SLC1A6: variants seen among roughly 807,000 people sequenced by gnomAD.
The protein encoded by SLC1A6 is excitatory amino acid transporter 4.
Under a neutral mutation model 42.1 loss-of-function variants are expected in SLC1A6, and 15 were observed. The observed-to-expected ratio is 0.36, with a 90% confidence interval of 0.24 to 0.55. The LOEUF is 0.55. Among genes scored for constraint, SLC1A6 ranks in the 20% least tolerant of loss-of-function variants. SLC1A6 has a pLI of 0.88. For missense variants in SLC1A6, 542 were observed against 772.5 expected, an observed-to-expected ratio of 0.70 and a Z score of 3.54; for synonymous variants, 317 against 319.7, an observed-to-expected ratio of 0.99 and a Z score of 0.09.
At chr19:14,967,556 CAG>C (rs1447766171) in intron 4 of SLC1A6, among the ~76,000 whole-genome samples, 2 of 152,116 alleles carry the variant, frequency 1.3e-5, no homozygotes, top group Non-Finnish European at 2.9e-5. Context: ...TAAATTAAAA[CAG>C]AAATCATAAG....
intron 1 of SLC1A6, among the ~76,000 whole-genome samples, chr19:15,002,772 A>C (rs1338959788): frequency 1.3e-5 from 2 of 152,220 alleles, no homozygotes; most frequent in Non-Finnish European, 2.9e-5. Context: ...GAGGGGATTC[A>C]AGTCACAGAG....
chr19:14,974,139 T>A (rs1401743115), intron 1 of SLC1A6: 1 of 152,134 alleles, frequency 6.6e-6, no homozygotes, highest in South Asian at 2.1e-4. Context: ...GGCAGATCAC[T>A]TGAGCTCAGG....
chr19:14,954,764 C>T (rs567805425), intron 7 of SLC1A6, among the ~76,000 whole-genome samples: 28 of 152,286 alleles, frequency 1.8e-4, no homozygotes, highest in African/African-American at 6.7e-4. Context: ...AGGAAAGGAG[C>T]AACTCCTCAT....
In SLC1A6 at chr19:14,953,243, A is replaced by G. The variant is rs2082872985; in HGVS notation, c.1365-181T>C. Among the ~76,000 whole-genome samples the G allele has an allele frequency of 2.1e-5, 3 of 143,264 alleles. No homozygotes were observed. The South Asian group carries it at 7.8e-4, about 37-fold the overall frequency. 94.0% of individuals were successfully genotyped at this position (143,264 alleles called of 152,430 possible). A position where few individuals can be genotyped will look rare whatever the true frequency, so the allele number is the denominator to read the frequency against. On this transcript the variant is annotated intron_variant, in intron 8 of 9. Coordinates refer to ENST00000594383, the MANE Select transcript of SLC1A6 (RefSeq NM_005071.3). ...CCTCGCCTCGCCTCGCCTCACCTCGATCCCCACCCACCCCGCCCCTCCCCT... is the reference window on the plus strand; with the variant it reads ...CCTCGCCTCGCCTCGCCTCACCTCGGTCCCCACCCACCCCGCCCCTCCCCT...
At position 14,968,407 on chromosome 19, in the gene SLC1A6, G is replaced by C. The variant is rs375637012; in HGVS notation, c.444C>G (p.Leu148=). Residue 148 remains leucine, a synonymous_variant, in exon 4 of 10, where the codon CTC becomes CTG. Coordinates refer to ENST00000594383, the MANE Select transcript of SLC1A6 (RefSeq NM_005071.3). ...TTIIAVFIGI[L]MVTIIHPGKG... is the part of the protein sequence containing the mutation. ...TCCCGGGATGGATGATGGTGACCAT[G>C]AGGATGCCGATGAAGACCGCGATGA... 1 of 1,613,862 alleles carries C rather than the reference G, an allele frequency of 6.2e-7. No homozygotes were observed. Among genetic ancestry groups the C allele is most frequent in the Non-Finnish European group, 8.5e-7 (1 of 1,179,926 alleles).
At chr19:14,985,840 C>T (rs552183820) in intron 1 of SLC1A6, among the ~76,000 whole-genome samples, 2 of 152,260 alleles carry the variant, frequency 1.3e-5, no homozygotes, top group East Asian at 3.9e-4. Flanking sequence ...GTGCATACCA[C>T]TCAGCTACTC....
At chr19:14,953,231 C>T (rs868628194) in intron 8 of SLC1A6, among the ~76,000 whole-genome samples, 169 bp from the exon 9 acceptor site, 26 of 150,682 alleles carry the variant, frequency 1.7e-4, no homozygotes, top group African/African-American at 6.1e-4. Context: ...CGCCTCGCCT[C>T]GCCTCACCTC....
intron 2 of SLC1A6, 61 bp from the exon 3 acceptor site, chr19:14,971,935 C>G: frequency 1.3e-6 from 2 of 1,575,660 alleles, no homozygotes; most frequent in Non-Finnish European, 1.7e-6. Context: ...CAGGCAGGGT[C>G]CATCCATCCC....
Position 14,991,014 on chromosome 19 carries a change from A to G in SLC1A6, c.7-18097T>C, listed in dbSNP as rs1398679727. 3.3e-5 allele frequency among the ~76,000 whole-genome samples: 5 copies of G among 152,334 alleles called. No individual in the cohort carries two copies. In the East Asian group the frequency reaches 9.6e-4, roughly 29 times the overall value. ...ACATCATGCTGTACACAACAAATAC[A>G]CACAATTTTATCTGTCATTTAAATA... On this transcript the variant is annotated intron_variant, in intron 1 of 8. Transcript: ENST00000430939.
chr19:14,968,181 G>C, intron 4 of SLC1A6, 122 bp downstream of exon 4: 1 of 790,680 alleles, frequency 1.3e-6, no homozygotes, highest in Non-Finnish European at 2.0e-6. Context: ...GCCCGTCTCT[G>C]CTCTTGACCG....
chr19:14,952,000 A>G (rs2045418102), intron 9 of SLC1A6, among the ~76,000 whole-genome samples: 1 of 147,892 alleles, frequency 6.8e-6, no homozygotes, highest in Non-Finnish European at 1.5e-5. Flanking sequence ...TTTTGTAGAG[A>G]TGGGACTTGC....
intron 1 of SLC1A6, chr19:14,973,195 G>T (rs1262465855): frequency 1.7e-5 from 8 of 460,206 alleles, no homozygotes; most frequent in Non-Finnish European, 3.1e-5. Flanking sequence ...GAGCCCAAGA[G>T]TTCAAGGTTA....
At chr19:14,980,653 T>G (rs2045761315), upstream of SLC1A6, among the ~76,000 whole-genome samples, 1 of 61,282 alleles carries the variant, frequency 1.6e-5, no homozygotes, top group Non-Finnish European at 3.3e-5. Context: ...CGAGACTCCG[T>G]CAAAAAAAAA....
intron 4 of SLC1A6, among the ~76,000 whole-genome samples, chr19:14,965,634 G>A (rs547242246): frequency 4.5e-4 from 68 of 152,240 alleles, no homozygotes; most frequent in African/African-American, 1.5e-3. Flanking sequence ...TGGATCACTC[G>A]AGGCCAGGAG....
At chr19:14,996,528 T>TTTCTTCTTCTTCTTCTTC (rs200628639) in intron 1 of SLC1A6, among the ~76,000 whole-genome samples, 8,770 of 125,862 alleles carry the variant, frequency 0.07, 682 homozygotes, top group East Asian at 0.1. Flanking sequence ...CCTCCTCCTC[T>TTTCTTCTTCTTCTTCTTC]TTCTTCTTCT....
At chr19:14,964,293 G>C (rs2045549310) in intron 5 of SLC1A6, 26 bp downstream of exon 5, 1 of 1,607,266 alleles carries the variant, frequency 6.2e-7, no homozygotes, top group South Asian at 1.1e-5. Context: ...GAATCTCCTT[G>C]ATCAAACTGT....
At chr19:14,989,564 AT>A (rs77119023) in intron 1 of SLC1A6, among the ~76,000 whole-genome samples, 25,993 of 151,820 alleles carry the variant, frequency 0.17, 3,069 homozygotes, top group African/African-American at 0.34. Context: ...CCGGCCAAAA[AT>A]TTTTTTTAAA....
chr19:14,951,814 G>A (rs142404066), intron 9 of SLC1A6, among the ~76,000 whole-genome samples: 2,450 of 145,050 alleles, frequency 0.017, 30 homozygotes, highest in Non-Finnish European at 0.023. Context: ...CACCACACCC[G>A]GCCTGTTTTT....
At chr19:14,954,085 A>T in intron 8 of SLC1A6, 50 bp downstream of exon 8, 20 of 1,195,492 alleles carry the variant, frequency 1.7e-5, no homozygotes, top group East Asian at 2.6e-5. Flanking sequence ...AGCCAAGCTG[A>T]TGACCGCTTA....
Sources: allele counts gnomAD v4.1 joint callset (sites outside exome capture counted in the v4.1 genomes callset), GRCh38; gene constraint gnomAD v4.1.1; transcripts MANE v1.5; gene names NCBI Gene and HGNC (gene_info 2026-07-23, HGNC 2026-07-21).